Variants in ATXN2 observed in about 807,000 individuals in gnomAD.
ATXN2 encodes the protein ataxin-2.
A neutral mutation model predicts 138.6 loss-of-function variants in ATXN2; 37 were observed. The ratio of observed to expected loss-of-function variants is 0.27; its 90% CI spans 0.21 to 0.35. ATXN2 has a LOEUF of 0.35. Ranked by LOEUF, ATXN2 falls within the 10% of genes least tolerant of loss-of-function variation. ATXN2 has a pLI of 1.00. For synonymous variants in ATXN2, 549 were observed against 543.7 expected (o/e 1.01, Z -0.13); for missense variants, 1,216 against 1,480.3 (o/e 0.82, Z 2.93).
chr12:111,499,059 A>T (rs1284519308), intron 14 of ATXN2, among the ~76,000 whole-genome samples: 3 of 152,176 alleles, frequency 2.0e-5, no homozygotes, highest in Non-Finnish European at 4.4e-5. Context: ...ATCAAAATGG[A>T]CTAAAGATTT....
rs144170054 is a variant in ATXN2, at chr12:111,540,992, G to A, written c.571+11288C>T. The stretch of plus-strand genomic sequence containing the variant: ...GATTACAAGCGTGAGCACCACACCC[G>A]GCCTAAATCTTTAATCTCTTTATAA... On this transcript the variant is annotated intron_variant, in intron 5 of 24. Transcript: ENST00000673436. Among the ~76,000 whole-genome samples, 384 of 150,010 alleles carry A rather than the reference G, an allele frequency of 2.6e-3. 9 individuals are homozygous for A. The highest frequency in any genetic ancestry group is 8.4e-3 in the African/African-American group (347 of 41,350).
At chr12:111,466,423 C>T (rs868757204) in intron 20 of ATXN2, among the ~76,000 whole-genome samples, 8 of 151,892 alleles carry the variant, frequency 5.3e-5, no homozygotes, top group Admixed American at 1.3e-4. Context: ...ATGGCGTGAA[C>T]GCAGGAGGCG....
intron 5 of ATXN2, among the ~76,000 whole-genome samples, chr12:111,527,758 T>G (rs1880578404): frequency 6.6e-6 from 1 of 152,150 alleles, no homozygotes; most frequent in African/African-American, 2.4e-5. Context: ...TCTAAGAGAT[T>G]CTAAGAGACT....
At chr12:111,588,307 G>A (rs892414823) in intron 1 of ATXN2, among the ~76,000 whole-genome samples, 12 of 152,110 alleles carry the variant, frequency 7.9e-5, no homozygotes, top group African/African-American at 2.9e-4. Flanking sequence ...AAATGTTAAT[G>A]AGAATTTCAA....
chr12:111,486,645 A>G (rs1240342834), intron 16 of ATXN2, 116 bp downstream of exon 16: 1 of 750,244 alleles, frequency 1.3e-6, no homozygotes. Flanking sequence ...AAAAAGAAAG[A>G]AGGTTGGTTC....
chr12:111,464,352 T>C (rs1377867882), intron 21 of ATXN2, among the ~76,000 whole-genome samples: 1 of 151,238 alleles, frequency 6.6e-6, no homozygotes, highest in African/African-American at 2.4e-5. Context: ...TGTGTGTGTG[T>C]GTGTGTGTGT....
intron 14 of ATXN2, among the ~76,000 whole-genome samples, chr12:111,489,157 A>G (rs570074821): frequency 6.9e-4 from 105 of 151,192 alleles, no homozygotes; most frequent in Non-Finnish European, 1.3e-3. Flanking sequence ...CTATAGAAAA[A>G]GCAACCTATA....
chr12:111,469,809 A>G (rs1383060190), intron 20 of ATXN2: 2 of 399,752 alleles, frequency 5.0e-6, no homozygotes, highest in Non-Finnish European at 8.8e-6. Flanking sequence ...ATACCAAAGC[A>G]TAATATTGAT....
At chr12:111,526,054 A>G (rs1880478402) in intron 5 of ATXN2, among the ~76,000 whole-genome samples, 1 of 151,962 alleles carries the variant, frequency 6.6e-6, no homozygotes, top group Non-Finnish European at 1.5e-5. Flanking sequence ...TGCATGTCTC[A>G]GAAGTGACCA....
intron 21 of ATXN2, among the ~76,000 whole-genome samples, chr12:111,462,558 G>C (rs1217461382): frequency 6.6e-6 from 1 of 152,194 alleles, no homozygotes; most frequent in Non-Finnish European, 1.5e-5. Context: ...AAGGCAACTT[G>C]ACCAAACCAT....
Position 111,453,245 on chromosome 12 carries a change from A to G in ATXN2, c.3440-405T>C. On this transcript the variant is annotated intron_variant, in intron 24 of 24. Coordinates refer to ENST00000673436, the MANE Select transcript of ATXN2 (RefSeq NM_001372574.1). The surrounding 1 kb of genome is among the most constrained non-coding windows in gnomAD (Gnocchi z 5.4). ...GTTCAGGGGCTGGGGCTAACGCTACACTCAAAGCCAGTCCATCCACAGCGC... is the reference window on the plus strand; with the variant it reads ...GTTCAGGGGCTGGGGCTAACGCTACGCTCAAAGCCAGTCCATCCACAGCGC... 4 of 1,065,536 alleles carry G rather than the reference A, an allele frequency of 3.8e-6. No homozygotes were observed. The highest frequency in any genetic ancestry group is 4.5e-6 in the Non-Finnish European group (4 of 882,096). 66.0% of individuals were successfully genotyped at this position (1,065,536 alleles called of 1,614,324 possible). A position where few individuals can be genotyped will look rare whatever the true frequency, so the allele number is the denominator to read the frequency against.
intron 6 of ATXN2, among the ~76,000 whole-genome samples, 183 bp from the exon 7 acceptor site, chr12:111,521,156 A>G (rs1232108513): frequency 6.6e-6 from 1 of 152,234 alleles, no homozygotes; most frequent in African/African-American, 2.4e-5. Flanking sequence ...CCTCCAGTTG[A>G]TAAGTAACTA....
chr12:111,477,881 G>A (rs1012259614), intron 18 of ATXN2, among the ~76,000 whole-genome samples: 7 of 151,360 alleles, frequency 4.6e-5, no homozygotes, highest in African/African-American at 1.2e-4. Flanking sequence ...CCGCAACCTC[G>A]CTCAAGCGAT....
At chr12:111,596,678 C>T (rs544151393) in intron 1 of ATXN2, among the ~76,000 whole-genome samples, 1 of 152,160 alleles carries the variant, frequency 6.6e-6, no homozygotes, top group Non-Finnish European at 1.5e-5. Context: ...ACACAGTAAA[C>T]AAAATTTCAC....
chr12:111,584,139 C>T (rs551710825), intron 1 of ATXN2, among the ~76,000 whole-genome samples: 1 of 151,586 alleles, frequency 6.6e-6, no homozygotes, highest in South Asian at 2.1e-4. Flanking sequence ...CCCAGCATTT[C>T]TGGACACCAA....
Position 111,559,794 on chromosome 12 carries a change from C to CA in ATXN2, c.252-3876dup, listed in dbSNP as rs537517180. On this transcript the variant is annotated intron_variant, in intron 1 of 24. Transcript: ENST00000673436. ...TCAAAAAACAAAAAAAAAAAAACTA[C>CA]AAAAAAAAAAAACACTTAATACACT... Among the ~76,000 whole-genome samples, 340 of 112,674 alleles carry CA rather than the reference C, an allele frequency of 3.0e-3. 1 individual carries two copies. The highest frequency in any genetic ancestry group is 0.015 in the South Asian group (52 of 3,528). The allele number at this position is 112,674 out of a possible 152,430, so 73.9% of individuals were successfully genotyped here.
intron 14 of ATXN2, among the ~76,000 whole-genome samples, chr12:111,493,014 C>T (rs1409487126): frequency 1.3e-5 from 2 of 152,028 alleles, no homozygotes; most frequent in Admixed American, 1.3e-4. Flanking sequence ...AAGCAGAAAT[C>T]CCAAAGTGGA....
intron 21 of ATXN2, chr12:111,457,863 G>C (rs1173354693): frequency 6.6e-6 from 1 of 152,606 alleles, no homozygotes; most frequent in Non-Finnish European, 1.5e-5. Flanking sequence ...AAGGACCACA[G>C]TCTCTCTCAG....
chr12:111,504,855 G>A (rs1401565348), intron 14 of ATXN2, among the ~76,000 whole-genome samples: 1 of 152,064 alleles, frequency 6.6e-6, no homozygotes, highest in Non-Finnish European at 1.5e-5. Context: ...AAAATCAAAT[G>A]TTATTCTCAT....
Sources: allele counts gnomAD v4.1 joint callset (sites outside exome capture counted in the v4.1 genomes callset), GRCh38; gene constraint gnomAD v4.1.1; non-coding constraint Gnocchi (gnomAD v3.1); transcripts MANE v1.5; gene names NCBI Gene and HGNC (gene_info 2026-07-23, HGNC 2026-07-21).